ARHGAP26: variants seen among roughly 807,000 people sequenced by gnomAD.
ARHGAP26 encodes the protein rho GTPase-activating protein 26.
In ARHGAP26, 38 loss-of-function variants were observed where a neutral mutation model predicts 104.8. The observed-to-expected ratio is 0.36, with a 90% CI of 0.28 to 0.48. ARHGAP26 has a LOEUF of 0.48. ARHGAP26 is among the 20% of genes least tolerant of loss of function. The pLI is 0.99. For missense variants in ARHGAP26, 704 were observed against 947.9 expected (o/e 0.74, Z 3.38); for synonymous variants, 341 against 340.0 (o/e 1.00, Z -0.03).
chr5:143,207,894 A>T (rs1808826009), intron 21 of ARHGAP26, among the ~76,000 whole-genome samples: 2 of 152,252 alleles, frequency 1.3e-5, no homozygotes, highest in Non-Finnish European at 2.9e-5. Context: ...CTTAGACCAG[A>T]TCCACTGGGG....
chr5:142,782,259 CA>C (rs761772053), intron 1 of ARHGAP26, among the ~76,000 whole-genome samples: 3 of 152,152 alleles, frequency 2.0e-5, no homozygotes, highest in Non-Finnish European at 4.4e-5. Context: ...GAGACACCCA[CA>C]AGGCTGTGGG....
chr5:142,923,855 TC>T (rs1763523286), intron 10 of ARHGAP26, among the ~76,000 whole-genome samples: 1 of 135,350 alleles, frequency 7.4e-6, no homozygotes, highest in African/African-American at 3.0e-5. Context: ...TAGGATCAGA[TC>T]CTTTTTTTTT....
intron 17 of ARHGAP26, among the ~76,000 whole-genome samples, chr5:143,109,533 C>A (rs890435103): frequency 6.6e-6 from 1 of 152,118 alleles, no homozygotes; most frequent in Non-Finnish European, 1.5e-5. Context: ...CAGCTCACTG[C>A]AACCTCCATC....
At chr5:143,179,813 A>G (rs147478151) in intron 20 of ARHGAP26, among the ~76,000 whole-genome samples, 156 of 152,262 alleles carry the variant, frequency 1.0e-3, no homozygotes, top group Non-Finnish European at 1.8e-3. Context: ...CTTAAAACTA[A>G]ATATAGGAAT....
chr5:143,122,644 A>G (rs1796283095), intron 18 of ARHGAP26, among the ~76,000 whole-genome samples: 1 of 152,232 alleles, frequency 6.6e-6, no homozygotes, highest in Middle Eastern at 3.2e-3. Flanking sequence ...TAGACAGAAA[A>G]GGGCTAAAGA....
intron 14 of ARHGAP26, among the ~76,000 whole-genome samples, chr5:143,042,944 A>C (rs1783693689): frequency 6.6e-6 from 1 of 152,130 alleles, no homozygotes. Context: ...TTTTTTGGTT[A>C]AGATTTGAAA....
intron 17 of ARHGAP26, among the ~76,000 whole-genome samples, chr5:143,070,097 CCAGGCAA>C (rs1227895922): frequency 1.3e-5 from 2 of 152,106 alleles, no homozygotes; most frequent in African/African-American, 4.8e-5. Context: ...TTTTAAGTCA[CCAGGCAA>C]ATGTGGGGGG....
intron 17 of ARHGAP26, among the ~76,000 whole-genome samples, chr5:143,062,066 C>T (rs1413025567): frequency 1.3e-5 from 2 of 152,110 alleles, no homozygotes; most frequent in South Asian, 2.1e-4. Context: ...TAAAGACAGC[C>T]CACGGTGTCT....
intron 1 of ARHGAP26, among the ~76,000 whole-genome samples, chr5:142,786,733 G>A (rs1382592044): frequency 7.7e-6 from 1 of 130,556 alleles, no homozygotes; most frequent in Non-Finnish European, 1.6e-5. Context: ...TGCAACCTCC[G>A]CCTCCCGGGC....
At chr5:142,813,117 T>C (rs939314568) in intron 1 of ARHGAP26, among the ~76,000 whole-genome samples, 10 of 151,842 alleles carry the variant, frequency 6.6e-5, no homozygotes, top group African/African-American at 2.2e-4. Context: ...TTTTTTGTAG[T>C]TTTTTAGTAG....
At chr5:143,172,148 A>G (rs999052824) in intron 20 of ARHGAP26, among the ~76,000 whole-genome samples, 1 of 152,136 alleles carries the variant, frequency 6.6e-6, no homozygotes, top group Non-Finnish European at 1.5e-5. Context: ...TTTGTTTGTT[A>G]TTTCAAGTCT....
intron 1 of ARHGAP26, among the ~76,000 whole-genome samples, chr5:142,781,838 A>G (rs1253395243): frequency 1.3e-5 from 2 of 151,990 alleles, no homozygotes; most frequent in African/African-American, 4.8e-5. Flanking sequence ...CAGCCTCCTG[A>G]GTAGCTGGGA....
intron 11 of ARHGAP26, among the ~76,000 whole-genome samples, chr5:142,966,729 A>G (rs1771407321): frequency 6.6e-6 from 1 of 152,200 alleles, no homozygotes; most frequent in South Asian, 2.1e-4. Context: ...TCTTTTTTCA[A>G]ATGTTTTATT....
chr5:143,215,102 C>T (rs1351454957), intron 22 of ARHGAP26, among the ~76,000 whole-genome samples: 1 of 152,216 alleles, frequency 6.6e-6, no homozygotes, highest in East Asian at 1.9e-4. Flanking sequence ...GGAGTCCTGG[C>T]CCTGCCGTAA....
rs915731829 is a variant in ARHGAP26, at chr5:143,041,146, A to C, written c.1211-670A>C. 3.9e-5 allele frequency among the ~76,000 whole-genome samples: 6 copies of C among 152,214 alleles called. No homozygotes were observed. In the East Asian group the frequency reaches 1.2e-3, roughly 29 times the overall value. On this transcript the variant is annotated intron_variant, in intron 13 of 22. Coordinates refer to ENST00000645722, the MANE Select transcript of ARHGAP26 (RefSeq NM_001135608.3). ...AATTGCCTTCTTTTGTAAATGGTAC[A>C]GTGGTGATCTAATCCATGTATTTAA...
intron 19 of ARHGAP26, among the ~76,000 whole-genome samples, chr5:143,137,408 G>A (rs1450307105): frequency 6.6e-6 from 1 of 152,198 alleles, no homozygotes; most frequent in African/African-American, 2.4e-5. Flanking sequence ...GTTTCCTGCT[G>A]TGCCCTTTCA....
intron 11 of ARHGAP26, among the ~76,000 whole-genome samples, chr5:142,995,561 G>C (rs1384358950): frequency 2.6e-5 from 4 of 152,228 alleles, no homozygotes; most frequent in Admixed American, 6.5e-5. Context: ...TACACTGTTG[G>C]TGGGAGTGTA....
chr5:143,215,576 C>T (rs1339303174), intron 22 of ARHGAP26, among the ~76,000 whole-genome samples: 1 of 152,138 alleles, frequency 6.6e-6, no homozygotes, highest in Non-Finnish European at 1.5e-5. Flanking sequence ...AGAATATTTT[C>T]ATCACCCCCA....
At chr5:142,857,892 C>A (rs191121208) in intron 1 of ARHGAP26, among the ~76,000 whole-genome samples, 2 of 152,064 alleles carry the variant, frequency 1.3e-5, no homozygotes, top group African/African-American at 4.8e-5. Context: ...AGGAATCATC[C>A]GGAGAGTTTA....
Sources: gnomAD v4.1 joint callset for allele counts (sites outside exome capture counted in the v4.1 genomes callset) on GRCh38, gnomAD v4.1.1 for gene constraint, MANE v1.5 for transcripts, NCBI Gene and HGNC (gene_info 2026-07-23, HGNC 2026-07-21) for gene names.